The following DNMT3B variants were observed in gnomAD, a reference collection of about 807,000 sequenced individuals.
DNMT3B encodes the protein DNA (cytosine-5)-methyltransferase 3B.
A neutral mutation model predicts 120.2 loss-of-function variants in DNMT3B; 37 were observed. That is an observed-to-expected ratio of 0.31 (90% CI 0.24 to 0.40). DNMT3B has a LOEUF of 0.40. Among genes scored for constraint, DNMT3B ranks in the 10% least tolerant of loss-of-function variants. The probability of loss-of-function intolerance (pLI) is 1.00; values close to 1 mark genes in which losing one functional copy is unlikely to be tolerated. For synonymous variants in DNMT3B, 412 were observed against 442.8 expected (o/e 0.93, Z 0.87); for missense variants, 878 against 1,137.3 (o/e 0.77, Z 3.28).
At position 32,799,248 on chromosome 20, in the gene DNMT3B, C is replaced by T. The variant is rs1981027138; in HGVS notation, c.1679C>T (p.Ala560Val). ...ACCTCCTTCCTTACCTGGCAGGAAG[C>T]CCCCAAGCTGTACCCTGCCATTCCC... ...FTSDTGLEYE[A>V]PKLYPAIPAA... Residue 560 changes from alanine to valine, a missense_variant, in exon 16 of 23, where the codon GCC becomes GTC. Physicochemically the swap from Ala to Val is moderately conservative, Grantham distance 64. This residue lies in a region of DNMT3B where 334 missense variants were observed against 518.8 expected (regional missense o/e 0.64). Transcript: ENST00000328111. 1.2e-6 allele frequency: 2 copies of T among 1,612,106 alleles called. No homozygotes were observed. The highest frequency in any genetic ancestry group is 1.3e-5 in the African/African-American group (1 of 75,032).
In DNMT3B at chr20:32,808,044, G is replaced by GA; in HGVS notation, c.*141_*142insA. The GA allele has an allele frequency of 3.5e-6, 5 of 1,428,952 alleles. No homozygotes were observed. The highest frequency in any genetic ancestry group is 4.8e-6 in the Non-Finnish European group (5 of 1,044,568). 88.5% of individuals were successfully genotyped at this position (1,428,952 alleles called of 1,614,324 possible). ...TACCTCAGTTCCCTCTTGCTCAGTG[G>GA]GGGCAGAGCCACCTGACTCTTGCAG... On this transcript the variant is annotated 3_prime_UTR_variant, in exon 23 of 23. Transcript: ENST00000328111.
At chr20:32,769,294 C>T (rs1463189842) in intron 1 of DNMT3B, among the ~76,000 whole-genome samples, 3 of 151,930 alleles carry the variant, frequency 2.0e-5, no homozygotes, top group African/African-American at 7.3e-5. Flanking sequence ...TCACCATGTT[C>T]GCCAGGATGG....
At chr20:32,795,339 T>C (rs1980471986) in intron 10 of DNMT3B, 70 bp from the exon 11 acceptor site, 1 of 1,610,844 alleles carries the variant, frequency 6.2e-7, no homozygotes, top group Non-Finnish European at 8.5e-7. Context: ...TAGCATGGTC[T>C]TGTCCTGGGC....
chr20:32,801,045 C>T (rs953381663), intron 18 of DNMT3B, 120 bp downstream of exon 18: 4 of 1,296,566 alleles, frequency 3.1e-6, no homozygotes, highest in East Asian at 4.6e-5. Context: ...GCATCAGGGG[C>T]CTGTTGGTGC....
intron 1 of DNMT3B, among the ~76,000 whole-genome samples, chr20:32,778,051 G>A (rs751887425): frequency 6.6e-6 from 1 of 152,100 alleles, no homozygotes. Context: ...TGAAAATCCC[G>A]CTTCAGGCCG....
intron 1 of DNMT3B, among the ~76,000 whole-genome samples, chr20:32,769,859 A>G (rs778096172): frequency 6.6e-6 from 1 of 152,156 alleles, no homozygotes; most frequent in African/African-American, 2.4e-5. Context: ...CAGGAACCAT[A>G]CATTATATAG....
chr20:32,765,901 G>A (rs1403124996), intron 1 of DNMT3B, among the ~76,000 whole-genome samples: 3 of 151,596 alleles, frequency 2.0e-5, no homozygotes, highest in African/African-American at 4.9e-5. Context: ...GACTACAGGC[G>A]CCGGCCACCA....
intron 1 of DNMT3B, among the ~76,000 whole-genome samples, chr20:32,772,396 A>G (rs959518654): frequency 2.0e-5 from 3 of 152,228 alleles, no homozygotes; most frequent in African/African-American, 7.2e-5. Flanking sequence ...TTGAAGCCAC[A>G]GGTGCAGCCT....
chr20:32,783,817 C>T (rs553743732), intron 3 of DNMT3B, among the ~76,000 whole-genome samples: 1 of 152,152 alleles, frequency 6.6e-6, no homozygotes, highest in African/African-American at 2.4e-5. Flanking sequence ...CCTCCGCCTC[C>T]CAGGTTCAAG....
chr20:32,797,402 G>C (rs1980771601), intron 14 of DNMT3B, 103 bp downstream of exon 14: 1 of 1,143,982 alleles, frequency 8.7e-7, no homozygotes, highest in Admixed American at 2.1e-5. Flanking sequence ...CTAGGCATGG[G>C]AATAGGGAGC....
intron 1 of DNMT3B, among the ~76,000 whole-genome samples, chr20:32,765,568 A>G (rs1218122540): frequency 1.4e-5 from 2 of 144,470 alleles, no homozygotes; most frequent in Non-Finnish European, 3.0e-5. Context: ...TTACATGCGC[A>G]CACCACCACG....
intron 6 of DNMT3B, among the ~76,000 whole-genome samples, chr20:32,787,945 A>G (rs926152073): frequency 6.6e-6 from 1 of 151,948 alleles, no homozygotes; most frequent in South Asian, 2.1e-4. Context: ...GGGGGTCTCA[A>G]GGTGCTCAGT....
At chr20:32,777,157 A>T (rs1988108328) in intron 1 of DNMT3B, among the ~76,000 whole-genome samples, 1 of 152,154 alleles carries the variant, frequency 6.6e-6, no homozygotes. Flanking sequence ...CTCCTGGGGG[A>T]CACCCAGGTA....
chr20:32,765,125 C>T (rs946219214), intron 1 of DNMT3B, among the ~76,000 whole-genome samples: 10 of 152,250 alleles, frequency 6.6e-5, no homozygotes, highest in Admixed American at 6.5e-4. Context: ...GTTGTGTGCT[C>T]TTCCTCACAC....
At chr20:32,772,510 G>A (rs941447076) in intron 1 of DNMT3B, among the ~76,000 whole-genome samples, 1 of 152,112 alleles carries the variant, frequency 6.6e-6, no homozygotes, top group Admixed American at 6.6e-5. Context: ...TTTGCCAAGG[G>A]GTAGGTGGCC....
At chr20:32,763,151 G>A (rs1368063669) in intron 1 of DNMT3B, among the ~76,000 whole-genome samples, 1 of 152,202 alleles carries the variant, frequency 6.6e-6, no homozygotes, top group African/African-American at 2.4e-5. Context: ...AGGGGCAGAG[G>A]AGGTGAGGAG....
At chr20:32,774,955 C>T (rs1245430925) in intron 1 of DNMT3B, among the ~76,000 whole-genome samples, 1 of 152,028 alleles carries the variant, frequency 6.6e-6, no homozygotes, top group Non-Finnish European at 1.5e-5. Flanking sequence ...CTCCTGGCCT[C>T]AAGTGATCAA....
At chr20:32,764,932 C>T (rs1456289728) in intron 1 of DNMT3B, among the ~76,000 whole-genome samples, 1 of 152,172 alleles carries the variant, frequency 6.6e-6, no homozygotes, top group Non-Finnish European at 1.5e-5. Flanking sequence ...CCAGAGGCGC[C>T]TGTCGCCCCT....
At chr20:32,792,912 C>A in intron 9 of DNMT3B, 142 bp downstream of exon 9, 2 of 1,305,186 alleles carry the variant, frequency 1.5e-6, no homozygotes, top group Non-Finnish European at 2.1e-6. Flanking sequence ...AAAATAGGAG[C>A]AGGCATACGA....
Sources: allele counts gnomAD v4.1 joint callset (sites outside exome capture counted in the v4.1 genomes callset), GRCh38; gene constraint gnomAD v4.1.1; regional missense constraint gnomAD v4.1.1; transcripts MANE v1.5; gene names NCBI Gene and HGNC (gene_info 2026-07-23, HGNC 2026-07-21).